RNF123: variants seen among roughly 807,000 people sequenced by gnomAD.
The protein encoded by RNF123 is E3 ubiquitin-protein ligase RNF123.
A neutral mutation model predicts 168.5 loss-of-function variants in RNF123; 86 were observed. That is an observed-to-expected ratio of 0.51 (90% CI 0.43 to 0.61). RNF123 has a LOEUF of 0.61. Ranked by LOEUF, RNF123 falls within the 20% of genes least tolerant of loss-of-function variation. The probability of loss-of-function intolerance (pLI) is 0.00; values close to 1 mark genes in which losing one functional copy is unlikely to be tolerated. For missense variants in RNF123, 1,419 were observed against 1,729.7 expected (o/e 0.82, Z 3.19); for synonymous variants, 666 against 689.1 (o/e 0.97, Z 0.52).
rs749198928 is a variant in RNF123 at position 49,691,185 on chromosome 3, G to T, written c.20G>T (p.Gly7Val). The stretch of plus-strand genomic sequence containing the variant: ...TGAAGGATGGCATCCAAGGGGGCCG[G>T]CATGTCTTTCTCCCGCAAGAGCTAT... MASKGA[G>V]MSFSRKSYRL... Residue 7 changes from glycine to valine, a missense_variant, in exon 2 of 39, where the codon GGC becomes GTC. This residue lies in a region of RNF123 where 318 missense variants were observed against 446.6 expected (regional missense o/e 0.71). Coordinates refer to ENST00000327697, the MANE Select transcript of RNF123 (RefSeq NM_022064.5). 3.1e-6 allele frequency: 5 copies of T among 1,613,894 alleles called. No individual in the cohort carries two copies. The highest frequency in any genetic ancestry group is 4.2e-6 in the Non-Finnish European group (5 of 1,179,798).
intron 18 of RNF123, 90 bp downstream of exon 18, chr3:49,702,234 G>T: frequency 6.3e-7 from 1 of 1,592,756 alleles, no homozygotes; most frequent in Non-Finnish European, 8.6e-7. Flanking sequence ...ACTGGGTTTG[G>T]TTCCCATGGC....
In RNF123 at chr3:49,715,951, G is replaced by C. The variant is rs746821292; in HGVS notation, c.3280G>C (p.Glu1094Gln). 1 of 1,614,052 alleles carries C rather than the reference G, an allele frequency of 6.2e-7. No homozygotes were observed. The highest frequency in any genetic ancestry group is 1.1e-5 in the South Asian group (1 of 91,092). Residue 1094 changes from glutamate to glutamine, a missense_variant, in exon 33 of 39, where the codon GAG (glutamate) becomes CAG (glutamine). Physicochemically the swap from Glu to Gln is conservative, Grantham distance 29 (BLOSUM62 2). Coordinates refer to ENST00000327697, the MANE Select transcript of RNF123 (RefSeq NM_022064.5). The part of the protein sequence containing the change: ...VLEMTITLVP[E>Q]IFLDWTRPTS... ...GGAGATGACTATCACACTGGTGCCTGAGATATTCCTTGACTGGACCCGGCC... is the reference window on the plus strand; with the variant it reads ...GGAGATGACTATCACACTGGTGCCTCAGATATTCCTTGACTGGACCCGGCC...
chr3:49,695,077 G>A (rs1174272216), intron 3 of RNF123, among the ~76,000 whole-genome samples: 1 of 152,204 alleles, frequency 6.6e-6, no homozygotes, highest in Non-Finnish European at 1.5e-5. Flanking sequence ...TCAGGCACAC[G>A]ACTTTTGGGG....
At position 49,699,704 on chromosome 3, in the gene RNF123, C is replaced by T. The variant is rs561463017; in HGVS notation, c.916C>T (p.Arg306Trp). 65 of 1,613,766 alleles carry T rather than the reference C, an allele frequency of 4.0e-5. No individual in the cohort carries two copies. Among genetic ancestry groups the T allele is most frequent in the East Asian group, 2.7e-4 (12 of 44,866 alleles). ...RLLDKESSKW[R>W]LRGQPTVLLT... ...GTTGGACAAGGAGAGCTCCAAGTGG[C>T]GGTTGCGGGGCCAGCCCACCGTCCT... The change falls in exon 12 of 39, where the codon CGG (arginine) becomes TGG (tryptophan). Residue 306 changes from arginine (R) to tryptophan (W), a missense_variant. Arg to Trp is a moderately radical substitution (Grantham distance 101, BLOSUM62 -3). Coordinates refer to ENST00000327697, the MANE Select transcript of RNF123 (RefSeq NM_022064.5). This position sits in a 1 kb window ranked among gnomAD's most constrained non-coding sequence, Gnocchi z 4.8.
chr3:49,711,773 G>A (rs999203260), intron 26 of RNF123, among the ~76,000 whole-genome samples: 1 of 152,014 alleles, frequency 6.6e-6, no homozygotes, highest in Non-Finnish European at 1.5e-5. Context: ...TGGGGAGCAG[G>A]GCCCTCAGCA....
chr3:49,718,078 C>G, intron 35 of RNF123: 1 of 1,613,636 alleles, frequency 6.2e-7, no homozygotes, highest in Non-Finnish European at 8.5e-7. Context: ...GCCATTGAGG[C>G]CCCTCCGGCC....
At chr3:49,720,757 A>G (rs1455252147) in intron 36 of RNF123, 43 bp from the exon 37 acceptor site, 2 of 1,613,044 alleles carry the variant, frequency 1.2e-6, no homozygotes, top group Admixed American at 1.7e-5. Context: ...GAGGCATCAC[A>G]TCCTCAGCTA....
chr3:49,708,510 C>G (rs2080078625), intron 26 of RNF123, among the ~76,000 whole-genome samples: 1 of 152,088 alleles, frequency 6.6e-6, no homozygotes, highest in South Asian at 2.1e-4. Flanking sequence ...GCTCACAGAC[C>G]CCCAGCTGGG....
rs1473853949 is a variant in RNF123, at chr3:49,698,969, C to T, written c.639-11C>T. The T allele has an allele frequency of 1.2e-6, 2 of 1,613,606 alleles. No individual in the cohort carries two copies. The highest frequency in any genetic ancestry group is 2.2e-5 in the East Asian group (1 of 44,882). On this transcript the variant is annotated splice_polypyrimidine_tract_variant and intron_variant, in intron 9 of 38. Coordinates refer to ENST00000327697, the MANE Select transcript of RNF123 (RefSeq NM_022064.5). The stretch of plus-strand genomic sequence containing the variant: ...CTTAGCACTGGCTCACAGACCCACC[C>T]TTCTCCCCAGGAACGGTGTATCACT...
At position 49,702,284 on chromosome 3, in the gene RNF123, TGGG is replaced by T. The variant is rs752606084; in HGVS notation, c.1558-49_1558-47del. 7.5e-6 allele frequency: 12 copies of T among 1,604,820 alleles called. No individual in the cohort carries two copies. In the South Asian group the frequency reaches 1.3e-4, roughly 18 times the overall value. On this transcript the variant is annotated intron_variant, in intron 18 of 38. Transcript: ENST00000327697. ...GGTGCAGCACTGAGCCAGCCCAGTC[TGGG>T]CCTGCATTCTCAGCTCAGCACAGCC...
Position 49,716,170 on chromosome 3 carries a change from G to A in RNF123, c.3408G>A (p.Arg1136=), listed in dbSNP as rs751535138. The A allele has an allele frequency of 2.5e-6, 4 of 1,613,478 alleles. No individual in the cohort carries two copies. In the East Asian group the frequency reaches 8.9e-5, roughly 36 times the overall value. Residue 1136 remains arginine, a synonymous_variant, in exon 34 of 39, where the codon CGG becomes CGA. Transcript: ENST00000327697. The part of the protein sequence containing the change: ...RNLFDRVVTL[R]LPGLESVDHY... Reference sequence around the variant, plus strand: ...TGTTTGATCGTGTGGTCACCCTACGGCTGCCTGGTGAGGACCTAGATGCCC... The same window carrying A: ...TGTTTGATCGTGTGGTCACCCTACGACTGCCTGGTGAGGACCTAGATGCCC...
At chr3:49,715,517 A>G in intron 31 of RNF123, 58 bp from the exon 32 acceptor site, 1 of 1,605,152 alleles carries the variant, frequency 6.2e-7, no homozygotes, top group Middle Eastern at 1.7e-4. Context: ...ACAGAGGCAA[A>G]CAGGCAGAGG....
intron 26 of RNF123, 109 bp downstream of exon 26, chr3:49,707,007 C>T: frequency 1.3e-6 from 1 of 794,458 alleles, no homozygotes; most frequent in Non-Finnish European, 2.2e-6. Context: ...CTCTGGCACA[C>T]ACATGTCCCT....
At chr3:49,712,215 C>CAAA (rs113391621) in intron 26 of RNF123, among the ~76,000 whole-genome samples, 1 of 142,908 alleles carries the variant, frequency 7.0e-6, no homozygotes, top group Non-Finnish European at 1.5e-5. Context: ...GACTCCATCT[C>CAAA]AAAAAAAAAA....
chr3:49,694,650 C>T (rs929544992), intron 3 of RNF123, among the ~76,000 whole-genome samples: 16 of 152,218 alleles, frequency 1.1e-4, no homozygotes, highest in African/African-American at 3.4e-4. Context: ...CCCTCATCAG[C>T]CTTAGCTGTT....
intron 26 of RNF123, among the ~76,000 whole-genome samples, chr3:49,709,580 G>A (rs1450820972): frequency 3.3e-5 from 5 of 151,642 alleles, no homozygotes; most frequent in African/African-American, 7.3e-5. Context: ...GATTACAGGC[G>A]TGAGCCACCG....
intron 35 of RNF123, chr3:49,718,076 G>C: frequency 1.5e-5 from 24 of 1,613,610 alleles, no homozygotes; most frequent in Non-Finnish European, 2.0e-5. Flanking sequence ...CGGCCATTGA[G>C]GCCCCTCCGG....
chr3:49,712,618 A>G lies in RNF123; in HGVS notation c.2636A>G (p.Asn879Ser), dbSNP rs1284538304. The G allele has an allele frequency of 6.2e-7, 1 of 1,614,172 alleles. No individual in the cohort carries two copies. Among genetic ancestry groups the G allele is most frequent in the South Asian group, 1.1e-5 (1 of 91,080 alleles). Residue 879 changes from asparagine to serine, a missense_variant, in exon 27 of 39, where the codon AAT becomes AGT. Asn to Ser is a conservative substitution (Grantham distance 46). Around this residue, in one of 5 missense-constraint regions of RNF123, gnomAD observed 538 missense variants for 708.8 expected, o/e 0.76. Coordinates refer to ENST00000327697, the MANE Select transcript of RNF123 (RefSeq NM_022064.5). ...VAINSYSALK[N>S]YFGPVHSMEE... Reference sequence around the variant, plus strand: ...ATCAACAGCTACAGTGCTCTCAAGAATTACTTTGGTCCCGTGCACAGCATG... The same window carrying G: ...ATCAACAGCTACAGTGCTCTCAAGAGTTACTTTGGTCCCGTGCACAGCATG...
chr3:49,692,507 A>C (rs2054187697), intron 3 of RNF123, among the ~76,000 whole-genome samples: 1 of 152,178 alleles, frequency 6.6e-6, no homozygotes, highest in South Asian at 2.1e-4. Context: ...ATACTCTTTT[A>C]GTTATTTTTA....
Sources: gnomAD v4.1 joint callset for allele counts (sites outside exome capture counted in the v4.1 genomes callset) on GRCh38, gnomAD v4.1.1 for gene constraint, gnomAD v4.1.1 regional missense constraint, Gnocchi (gnomAD v3.1) non-coding constraint, MANE v1.5 for transcripts, NCBI Gene and HGNC (gene_info 2026-07-23, HGNC 2026-07-21) for gene names.